The following TTC28 variants were observed in gnomAD, a reference collection of about 807,000 sequenced individuals.
TTC28 encodes the protein tetratricopeptide repeat domain 28.
A neutral mutation model predicts 198.0 loss-of-function variants in TTC28; 61 were observed. The observed-to-expected ratio is 0.31, with a 90% CI of 0.25 to 0.38. The LOEUF is 0.38. TTC28 is among the 10% of genes least tolerant of loss of function. TTC28 has a pLI of 1.00. For synonymous variants in TTC28, 1,171 were observed against 1,297.8 expected, an observed-to-expected ratio of 0.90 and a Z score of 2.10; for missense variants, 2,678 against 3,164.0, an observed-to-expected ratio of 0.85 and a Z score of 3.69.
intron 3 of TTC28, among the ~76,000 whole-genome samples, chr22:28,298,820 A>T: frequency 6.6e-6 from 1 of 152,140 alleles, no homozygotes; most frequent in African/African-American, 2.4e-5. Context: ...ATGCTATAAA[A>T]GCTCTCCCAA....
At chr22:28,659,183 GAACA>G (rs1324185391) in intron 1 of TTC28, among the ~76,000 whole-genome samples, 1 of 152,034 alleles carries the variant, frequency 6.6e-6, no homozygotes, top group Non-Finnish European at 1.5e-5. Context: ...CTAAAAACAA[GAACA>G]AACAAAAAAT....
At position 27,982,700 on chromosome 22, in the gene TTC28, C is replaced by G. The variant is rs9613558; in HGVS notation, c.6967G>C (p.Ala2323Pro). 95,637 of 1,551,528 alleles carry G rather than the reference C, an allele frequency of 0.062. 3,517 individuals carry two copies. The highest frequency in any genetic ancestry group is 0.11 in the Admixed American group (5,581 of 50,970). The change falls in exon 23 of 23, where the codon GCT (alanine) becomes CCT (proline). Residue 2323 changes from alanine to proline, a missense_variant. Around this residue, in one of 8 missense-constraint regions of TTC28, gnomAD observed 622 missense variants for 656.0 expected, o/e 0.95. Coordinates refer to ENST00000397906, the MANE Select transcript of TTC28 (RefSeq NM_001145418.2). The surrounding 1 kb of genome is among the most constrained non-coding windows in gnomAD (Gnocchi z 5.2). Reference sequence around the variant, plus strand: ...GATCCAGCTGAGGAGTAGGAGAGAGCTGGGGAGGGTGCACTGCCAGCAGGA... The same window carrying G: ...GATCCAGCTGAGGAGTAGGAGAGAGGTGGGGAGGGTGCACTGCCAGCAGGA... ...QSPAGSAPSP[A>P]LSYSSAGSAR...
At chr22:28,267,319 C>T (rs1396957930) in intron 5 of TTC28, among the ~76,000 whole-genome samples, 2 of 152,140 alleles carry the variant, frequency 1.3e-5, no homozygotes, top group Non-Finnish European at 2.9e-5. Context: ...AAGGTTTCTC[C>T]AGTAGGTTTC....
intron 7 of TTC28, 86 bp downstream of exon 7, chr22:28,106,976 T>C (rs1393275871): frequency 2.1e-6 from 3 of 1,451,822 alleles, no homozygotes; most frequent in South Asian, 2.9e-5. Context: ...GTTAACAAAC[T>C]GCCATGCAGA....
At chr22:28,601,777 G>GACAGAC (rs1555900052) in intron 2 of TTC28, among the ~76,000 whole-genome samples, 5 of 141,484 alleles carry the variant, frequency 3.5e-5, no homozygotes, top group Non-Finnish European at 6.1e-5. Context: ...GTAAACCCTA[G>GACAGAC]ACACACACAC....
chr22:28,545,713 T>A (rs528886220), intron 2 of TTC28, among the ~76,000 whole-genome samples: 2 of 152,280 alleles, frequency 1.3e-5, no homozygotes, highest in South Asian at 4.1e-4. Flanking sequence ...AATTTAAAAA[T>A]ATATATATCA....
intron 19 of TTC28, among the ~76,000 whole-genome samples, chr22:27,992,096 G>A (rs1288087370): frequency 6.6e-6 from 1 of 151,956 alleles, no homozygotes; most frequent in Admixed American, 6.6e-5. Context: ...AGGAGGACAA[G>A]GTTCAGGAGA....
chr22:28,677,038 C>A lies in TTC28; in HGVS notation c.102+2584G>T, dbSNP rs1377572064. Among the ~76,000 whole-genome samples the A allele has an allele frequency of 3.3e-5, 5 of 150,850 alleles. No homozygotes were observed. The South Asian group carries it at 8.4e-4, about 25-fold the overall frequency. On this transcript the variant is annotated intron_variant, in intron 1 of 22. Transcript: ENST00000397906. ...GGCATGGCGGTGGGCACCTGTATTC[C>A]CAGCTACTTGGGAGGCTAAGGCAGG...
chr22:28,640,567 A>AAATAATAATAATAAT lies in TTC28; in HGVS notation c.103-10752_103-10738dup, dbSNP rs139282856. On this transcript the variant is annotated intron_variant, in intron 1 of 22. Coordinates refer to ENST00000397906, the MANE Select transcript of TTC28 (RefSeq NM_001145418.2). ...TACGTCTGTCATAGTCAAACTGTTAAAATAATAATAATAATAATAATAATA... is the reference window on the plus strand; with the variant it reads ...TACGTCTGTCATAGTCAAACTGTTAAAATAATAATAATAATAATAATAATAATAATAATAATAATA... Among the ~76,000 whole-genome samples, 322 of 147,366 alleles carry AAATAATAATAATAAT rather than the reference A, an allele frequency of 2.2e-3. 1 individual carries two copies. Among genetic ancestry groups the AAATAATAATAATAAT allele is most frequent in the Admixed American group, 7.7e-3 (112 of 14,584 alleles).
chr22:28,528,599 G>T (rs924610339), intron 2 of TTC28, among the ~76,000 whole-genome samples: 14 of 151,660 alleles, frequency 9.2e-5, no homozygotes, highest in African/African-American at 3.4e-4. Flanking sequence ...ACCCGGGAAT[G>T]GTGGCATGCA....
intron 12 of TTC28, among the ~76,000 whole-genome samples, chr22:28,062,219 G>C (rs867999765): frequency 4.0e-5 from 6 of 151,814 alleles, no homozygotes; most frequent in Admixed American, 1.3e-4. Flanking sequence ...CACCATGCCT[G>C]GCTAATTTTT....
chr22:28,448,446 C>T (rs932856509), intron 2 of TTC28, among the ~76,000 whole-genome samples: 3 of 151,942 alleles, frequency 2.0e-5, no homozygotes, highest in East Asian at 1.9e-4. Flanking sequence ...GTGTTTTAGG[C>T]GTAGAAATTT....
In TTC28 at chr22:28,630,366, G is replaced by C. The variant is rs1296546110; in HGVS notation, c.103-536C>G. On this transcript the variant is annotated intron_variant, in intron 1 of 22. Coordinates refer to ENST00000397906, the MANE Select transcript of TTC28 (RefSeq NM_001145418.2). Reference sequence around the variant, plus strand: ...TAGTGGCACAAGTCACTGCACTGTTGAGGTTCACTGCAGCCTCAAGCTCCA... The same window carrying C: ...TAGTGGCACAAGTCACTGCACTGTTCAGGTTCACTGCAGCCTCAAGCTCCA... Among the ~76,000 whole-genome samples the C allele has an allele frequency of 2.6e-5, 4 of 152,110 alleles. No homozygotes were observed. The East Asian group carries it at 7.7e-4, about 29-fold the overall frequency.
intron 2 of TTC28, among the ~76,000 whole-genome samples, chr22:28,385,219 T>C (rs952117707): frequency 3.3e-5 from 5 of 151,512 alleles, no homozygotes. Context: ...AACAAATTAT[T>C]TGCAATTTTC....
At chr22:28,116,825 G>T (rs1199145480) in intron 6 of TTC28, among the ~76,000 whole-genome samples, 1 of 152,118 alleles carries the variant, frequency 6.6e-6, no homozygotes, top group East Asian at 1.9e-4. Flanking sequence ...TAGTCAAGTG[G>T]AATTTGTGCG....
chr22:28,040,293 A>G (rs1374503212), intron 12 of TTC28, among the ~76,000 whole-genome samples: 1 of 152,194 alleles, frequency 6.6e-6, no homozygotes, highest in Non-Finnish European at 1.5e-5. Context: ...AAAAAAGAGA[A>G]TTTTAGGCCA....
chr22:28,116,186 T>C (rs1249032462), intron 6 of TTC28, among the ~76,000 whole-genome samples: 2 of 152,054 alleles, frequency 1.3e-5, no homozygotes, highest in East Asian at 3.9e-4. Flanking sequence ...GAATGAGCAG[T>C]GACGAGCCCA....
chr22:28,089,009 A>G (rs555303778), intron 12 of TTC28, among the ~76,000 whole-genome samples: 2 of 152,292 alleles, frequency 1.3e-5, no homozygotes, highest in Admixed American at 6.5e-5. Flanking sequence ...AAAAGTCAGG[A>G]AACAACAGGT....
intron 12 of TTC28, among the ~76,000 whole-genome samples, chr22:28,046,334 G>GA (rs1299506090): frequency 1.3e-5 from 2 of 152,190 alleles, no homozygotes; most frequent in Non-Finnish European, 2.9e-5. Flanking sequence ...AAACCTAGCT[G>GA]AGACAGCCTA....
Sources: allele counts gnomAD v4.1 joint callset (sites outside exome capture counted in the v4.1 genomes callset), GRCh38; gene constraint gnomAD v4.1.1; regional missense constraint gnomAD v4.1.1; non-coding constraint Gnocchi (gnomAD v3.1); transcripts MANE v1.5; gene names NCBI Gene and HGNC (gene_info 2026-07-23, HGNC 2026-07-21).